Variants in PHTF1 observed in about 807,000 individuals in gnomAD.
PHTF1 encodes the protein protein PHTF1.
PHTF1 carries 88 observed loss-of-function variants against 102.4 expected under a neutral mutation model. That is an observed-to-expected ratio of 0.86 (90% CI 0.72 to 1.03). The LOEUF (loss-of-function observed/expected upper bound fraction) is 1.03, where lower values mean the gene tolerates loss of function less well. Among genes scored for constraint, PHTF1 ranks in the 50% least tolerant of loss-of-function variants. The pLI is 0.00. For synonymous variants in PHTF1, 289 were observed against 305.2 expected (o/e 0.95, Z 0.55); for missense variants, 814 against 909.5 (o/e 0.89, Z 1.35).
intron 3 of PHTF1, among the ~76,000 whole-genome samples, chr1:113,745,591 C>T (rs1162284544): frequency 1.3e-5 from 2 of 152,172 alleles, no homozygotes; most frequent in Non-Finnish European, 2.9e-5. Context: ...ACAAGGGAAG[C>T]TTTATCTGTA....
In PHTF1 at chr1:113,738,813, A is replaced by G; in HGVS notation, c.103-14T>C. The stretch of plus-strand genomic sequence containing the variant: ...GTTTTTCAAACCCTAGGATAAAACA[A>G]AACAAAAATAAAATCAGAAATAAAG... On this transcript the variant is annotated splice_polypyrimidine_tract_variant and intron_variant, in intron 3 of 18. Coordinates refer to ENST00000369604, the MANE Select transcript of PHTF1 (RefSeq NM_001323043.2). 1 of 1,509,068 alleles carries G rather than the reference A, an allele frequency of 6.6e-7. No individual in the cohort carries two copies. Among genetic ancestry groups the G allele is most frequent in the Non-Finnish European group, 9.0e-7 (1 of 1,106,672 alleles). 93.5% of individuals were successfully genotyped at this position (1,509,068 alleles called of 1,614,324 possible).
At position 113,697,745 on chromosome 1, in the gene PHTF1, A is replaced by G; in HGVS notation, c.2269-20T>C. Reference sequence around the variant, plus strand: ...CCACAGCTAAGAGAACAAAATCACCAAAATAAGTTAGTTCTAGGAAAACCA... The same window carrying G: ...CCACAGCTAAGAGAACAAAATCACCGAAATAAGTTAGTTCTAGGAAAACCA... On this transcript the variant is annotated intron_variant, in intron 18 of 18. Transcript: ENST00000369604. The G allele has an allele frequency of 6.3e-7, 1 of 1,590,490 alleles. No homozygotes were observed. Among genetic ancestry groups the G allele is most frequent in the East Asian group, 2.2e-5 (1 of 44,772 alleles).
intron 3 of PHTF1, among the ~76,000 whole-genome samples, chr1:113,753,747 G>T (rs1658436871): frequency 6.8e-6 from 1 of 146,614 alleles, no homozygotes; most frequent in Non-Finnish European, 1.5e-5. Context: ...TAAAGGCAGG[G>T]TCTCTGTCAT....
intron 3 of PHTF1, among the ~76,000 whole-genome samples, chr1:113,739,324 CT>C (rs1439938467): frequency 6.6e-6 from 1 of 152,144 alleles, no homozygotes; most frequent in Non-Finnish European, 1.5e-5. Flanking sequence ...TACTTTATCA[CT>C]TTTTAAAATA....
chr1:113,713,999 T>G (rs1651576972), intron 7 of PHTF1: 1 of 152,650 alleles, frequency 6.6e-6, no homozygotes, highest in Non-Finnish European at 1.5e-5. Flanking sequence ...AGCTTATGGA[T>G]GACATTTCTA....
chr1:113,737,076 T>C (rs1238823312), intron 5 of PHTF1, among the ~76,000 whole-genome samples: 3 of 152,200 alleles, frequency 2.0e-5, no homozygotes, highest in Non-Finnish European at 4.4e-5. Context: ...GCTGGTGCTG[T>C]GGACAATGAT....
intron 2 of PHTF1, 73 bp downstream of exon 2, chr1:113,758,586 A>G: frequency 1.2e-6 from 1 of 855,906 alleles, no homozygotes; most frequent in South Asian, 1.9e-5. Flanking sequence ...GGGGAAAGTA[A>G]CATTATATTA....
chr1:113,745,915 T>C (rs1657167850), intron 3 of PHTF1, among the ~76,000 whole-genome samples: 1 of 152,198 alleles, frequency 6.6e-6, no homozygotes, highest in Non-Finnish European at 1.5e-5. Context: ...ATAATTGTAA[T>C]GTGCTTGAAT....
intron 3 of PHTF1, chr1:113,746,983 T>C (rs1194597646): frequency 5.8e-6 from 1 of 171,330 alleles, no homozygotes; most frequent in African/African-American, 2.4e-5. Context: ...AAATAACTCT[T>C]ATTTAGCCTT....
chr1:113,698,069 A>G (rs1372259558), intron 18 of PHTF1, among the ~76,000 whole-genome samples, 193 bp downstream of exon 18: 1 of 152,134 alleles, frequency 6.6e-6, no homozygotes, highest in African/African-American at 2.4e-5. Context: ...TTTGTGTAAA[A>G]TGAGAAAACT....
chr1:113,729,272 G>A lies in PHTF1; in HGVS notation c.332-2698C>T, dbSNP rs1429451902. Among the ~76,000 whole-genome samples, 4 of 152,318 alleles carry A rather than the reference G, an allele frequency of 2.6e-5. No individual in the cohort carries two copies. In the East Asian group the frequency reaches 5.8e-4, roughly 22 times the overall value. On this transcript the variant is annotated intron_variant, in intron 5 of 18. Transcript: ENST00000369604. Reference sequence around the variant, plus strand: ...GTAGAAGGCTCTGAGGCTGAGAAGGGTAGTGGGGGTGGAGTAGGGGATGTG... The same window carrying A: ...GTAGAAGGCTCTGAGGCTGAGAAGGATAGTGGGGGTGGAGTAGGGGATGTG...
intron 13 of PHTF1, 121 bp downstream of exon 13, chr1:113,705,769 C>T: frequency 2.9e-6 from 2 of 692,720 alleles, no homozygotes. Flanking sequence ...CAAAAGTCCA[C>T]TTATCAATCC....
chr1:113,758,514 CTT>C (rs200794989), intron 2 of PHTF1, 143 bp downstream of exon 2: 8,409 of 323,186 alleles, frequency 0.026, no homozygotes, highest in Non-Finnish European at 0.03. Context: ...CCTTGTACAT[CTT>C]TTTTTTTTTT....
In PHTF1 at chr1:113,712,076, TC is replaced by T. The variant is rs879536998; in HGVS notation, c.820del (p.Asp274ThrfsTer14). Reference sequence around the variant, plus strand: ...TTCACCATCTTCTTCACTTGACAGGTCATCAGACACCCCATTACCCAAACGC... The same window carrying T: ...TTCACCATCTTCTTCACTTGACAGGTATCAGACACCCCATTACCCAAACGC... ...FRRLGNGVSD[D>X]LSSEEDGEAR... On this transcript the variant is annotated frameshift_variant, in exon 9 of 19. Coordinates refer to ENST00000369604, the MANE Select transcript of PHTF1 (RefSeq NM_001323043.2). LOFTEE classifies it high-confidence loss of function. 9.9e-6 allele frequency: 16 copies of T among 1,614,004 alleles called. No individual in the cohort carries two copies. Among genetic ancestry groups the T allele is most frequent in the Non-Finnish European group, 1.4e-5 (16 of 1,179,974 alleles).
chr1:113,713,152 C>T, intron 8 of PHTF1, 127 bp downstream of exon 8: 1 of 770,728 alleles, frequency 1.3e-6, no homozygotes, highest in East Asian at 2.5e-5. Context: ...TTTTCATATC[C>T]TGTGGTTTTA....
At chr1:113,702,674 A>G (rs578225059) in intron 15 of PHTF1, among the ~76,000 whole-genome samples, 1 of 152,280 alleles carries the variant, frequency 6.6e-6, no homozygotes, top group South Asian at 2.1e-4. Flanking sequence ...GAACGAATGA[A>G]CAAACACCAA....
intron 3 of PHTF1, among the ~76,000 whole-genome samples, chr1:113,751,398 T>C (rs1051582377): frequency 6.6e-6 from 1 of 152,220 alleles, no homozygotes; most frequent in African/African-American, 2.4e-5. Context: ...GAAAGCCCTG[T>C]TCCCCTCAAT....
At position 113,700,845 on chromosome 1, in the gene PHTF1, C is replaced by A. The variant is rs762937194; in HGVS notation, c.1995G>T (p.Gly665=). 6.2e-7 allele frequency: 1 copy of A among 1,613,504 alleles called. No homozygotes were observed. The highest frequency in any genetic ancestry group is 1.3e-5 in the African/African-American group (1 of 74,878). The change falls in exon 16 of 19, where the codon GGG becomes GGT. Residue 665 remains glycine (G), a synonymous_variant. Coordinates refer to ENST00000369604, the MANE Select transcript of PHTF1 (RefSeq NM_001323043.2). ...LLFLLRLASL[G]SETNKKYSNV... ...TGCTGTATTTCTTATTGGTTTCAGA[C>A]CCCAGTGAGGCCAGACGCAATAAAA... is the stretch of plus-strand genomic sequence containing the variant.
rs776284246 is a variant in PHTF1, at chr1:113,726,584, A to G, written c.332-10T>C. The G allele has an allele frequency of 5.8e-5, 87 of 1,509,646 alleles. No individual in the cohort carries two copies. Among genetic ancestry groups the G allele is most frequent in the Non-Finnish European group, 7.5e-5 (84 of 1,114,350 alleles). 93.5% of individuals were successfully genotyped at this position (1,509,646 alleles called of 1,614,324 possible). On this transcript the variant is annotated splice_polypyrimidine_tract_variant and intron_variant, in intron 5 of 18. Transcript: ENST00000369604. ...AAGACAATTGCTATAACTGAAAAGA[A>G]GAGGTTTTAAGATGTAAAACATTAG... is the stretch of plus-strand genomic sequence containing the variant.
Sources: gnomAD v4.1 joint callset for allele counts (sites outside exome capture counted in the v4.1 genomes callset) on GRCh38, gnomAD v4.1.1 for gene constraint, MANE v1.5 for transcripts, NCBI Gene and HGNC (gene_info 2026-07-23, HGNC 2026-07-21) for gene names.